TENM2: variants seen among roughly 807,000 people sequenced by gnomAD.
The protein encoded by TENM2 is teneurin transmembrane protein 2.
Under a neutral mutation model 245.2 loss-of-function variants are expected in TENM2, and 52 were observed. The ratio of observed to expected loss-of-function variants is 0.21; its 90% CI spans 0.17 to 0.27. The LOEUF is 0.27. Ranked by LOEUF, TENM2 falls within the 10% of genes least tolerant of loss-of-function variation. The probability of loss-of-function intolerance (pLI) is 1.00; values close to 1 mark genes in which losing one functional copy is unlikely to be tolerated. For missense variants in TENM2, 3,046 were observed against 3,666.8 expected, an observed-to-expected ratio of 0.83 and a Z score of 4.37; for synonymous variants, 1,363 against 1,438.9, an observed-to-expected ratio of 0.95 and a Z score of 1.19.
chr5:167,900,511 G>T (rs908451753), intron 3 of TENM2, among the ~76,000 whole-genome samples: 1 of 150,934 alleles, frequency 6.6e-6, no homozygotes, highest in Non-Finnish European at 1.5e-5. Flanking sequence ...AGTTGGGAGT[G>T]GGGGTAATGA....
At chr5:167,014,197 T>C in the TENM2 span, among the ~76,000 whole-genome samples, 5,550 of 139,004 alleles carry the variant, frequency 0.04, 350 homozygotes, top group African/African-American at 0.14. Context: ...GACAGGTATT[T>C]TTAGACCTAA....
intron 2 of TENM2, among the ~76,000 whole-genome samples, chr5:167,490,429 T>C (rs1237482361): frequency 6.6e-6 from 1 of 152,162 alleles, no homozygotes; most frequent in Non-Finnish European, 1.5e-5. Context: ...TGATTTGCCG[T>C]TTTTCTTAGT....
chr5:167,974,746 C>G (rs985765055), intron 4 of TENM2, among the ~76,000 whole-genome samples: 1 of 152,176 alleles, frequency 6.6e-6, no homozygotes, highest in South Asian at 2.1e-4. Flanking sequence ...CTGCTGCCGA[C>G]AGTTTCCTTA....
intron 5 of TENM2, among the ~76,000 whole-genome samples, chr5:168,017,898 G>A (rs145272399): frequency 9.9e-5 from 15 of 152,102 alleles, no homozygotes; most frequent in East Asian, 5.8e-4. Flanking sequence ...CCCTTCTCCC[G>A]TCACTTTCTT....
intron 7 of TENM2, among the ~76,000 whole-genome samples, chr5:168,062,673 G>T (rs576272458): frequency 6.6e-6 from 1 of 152,112 alleles, no homozygotes; most frequent in African/African-American, 2.4e-5. Flanking sequence ...CGATATAGCC[G>T]TACCATTAGT....
intron 5 of TENM2, among the ~76,000 whole-genome samples, chr5:168,037,111 T>C (rs911917287): frequency 6.6e-6 from 1 of 152,166 alleles, no homozygotes; most frequent in Non-Finnish European, 1.5e-5. Flanking sequence ...CTATGTGAAA[T>C]CCACTTAACT....
chr5:168,007,683 T>A, intron 5 of TENM2, among the ~76,000 whole-genome samples: 1 of 152,212 alleles, frequency 6.6e-6, no homozygotes, highest in East Asian at 1.9e-4. Context: ...AACGAACGAC[T>A]CACTGAAAAT....
At chr5:167,935,422 A>G (rs952883124) in intron 3 of TENM2, among the ~76,000 whole-genome samples, 3 of 152,176 alleles carry the variant, frequency 2.0e-5, no homozygotes, top group African/African-American at 4.8e-5. Flanking sequence ...ACAGACAGCT[A>G]TGTTAATTAC....
At chr5:167,482,000 T>C (rs1767785129) in intron 2 of TENM2, among the ~76,000 whole-genome samples, 1 of 152,218 alleles carries the variant, frequency 6.6e-6, no homozygotes, top group African/African-American at 2.4e-5. Context: ...GATGGAGCAC[T>C]GAGTGCATGT....
At chr5:167,092,501 T>C in the TENM2 span, among the ~76,000 whole-genome samples, 2 of 152,218 alleles carry the variant, frequency 1.3e-5, no homozygotes, top group Non-Finnish European at 2.9e-5. Context: ...CAGATTGTAA[T>C]AGCTAATGTG....
chr5:167,455,200 T>C (rs1220859081), intron 2 of TENM2, among the ~76,000 whole-genome samples: 2 of 152,206 alleles, frequency 1.3e-5, no homozygotes, highest in Non-Finnish European at 2.9e-5. Context: ...AGGAATTCCT[T>C]CTTATATGGA....
intron 2 of TENM2, among the ~76,000 whole-genome samples, chr5:167,412,279 C>G (rs948774465): frequency 1.1e-4 from 17 of 150,646 alleles, no homozygotes; most frequent in Admixed American, 1.0e-3. Flanking sequence ...GTCCCAGGAG[C>G]AGCAGCATTA....
At chr5:168,194,689 G>A (rs1380941266) in intron 14 of TENM2, among the ~76,000 whole-genome samples, 1 of 152,066 alleles carries the variant, frequency 6.6e-6, no homozygotes, top group Non-Finnish European at 1.5e-5. Context: ...GGCAGCAAAA[G>A]ACAATGCATG....
At chr5:167,998,025 G>A (rs948920794) in intron 5 of TENM2, among the ~76,000 whole-genome samples, 1 of 152,196 alleles carries the variant, frequency 6.6e-6, no homozygotes. Context: ...AGTAGAAAAA[G>A]CAAGTCACTT....
intron 3 of TENM2, chr5:167,938,399 A>G (rs1051722498): frequency 2.0e-5 from 3 of 152,228 alleles, no homozygotes; most frequent in Non-Finnish European, 4.4e-5. Flanking sequence ...GTGTGTCATA[A>G]TGGCCTCTAC....
At chr5:167,298,007 GA>G (rs1266716439) in intron 1 of TENM2, among the ~76,000 whole-genome samples, 2 of 152,142 alleles carry the variant, frequency 1.3e-5, no homozygotes, top group African/African-American at 4.8e-5. Context: ...GGTCACAGGG[GA>G]TATGATGGCT....
At chr5:167,766,653 G>A (rs1475557566) in intron 2 of TENM2, among the ~76,000 whole-genome samples, 1 of 152,104 alleles carries the variant, frequency 6.6e-6, no homozygotes, top group Non-Finnish European at 1.5e-5. Context: ...GAGGCGGGCA[G>A]ATCACCTGAG....
chr5:167,347,173 G>A (rs1021421504), intron 1 of TENM2, among the ~76,000 whole-genome samples: 2 of 151,670 alleles, frequency 1.3e-5, no homozygotes, highest in African/African-American at 4.8e-5. Context: ...TAAAAAGACC[G>A]AATCTTTTTT....
At position 167,304,870 on chromosome 5, in the gene TENM2, T is replaced by C. The variant is rs138244662; in HGVS notation, c.226+19807T>C. Among the ~76,000 whole-genome samples the C allele has an allele frequency of 4.2e-3, 636 of 152,298 alleles. 5 individuals carry two copies. The highest frequency in any genetic ancestry group is 0.015 in the African/African-American group (609 of 41,554). ...AGTTCAGATTTCAGAAAGTGCAGAA[T>C]AGGAAGTTATAAACATACCCTGTAA... On this transcript the variant is annotated intron_variant, in intron 1 of 28. Transcript: ENST00000518659.
Sources: gnomAD v4.1 joint callset for allele counts (sites outside exome capture counted in the v4.1 genomes callset) on GRCh38, gnomAD v4.1.1 for gene constraint, MANE v1.5 for transcripts, NCBI Gene and HGNC (gene_info 2026-07-23, HGNC 2026-07-21) for gene names.